TTN: variants seen among roughly 807,000 people sequenced by gnomAD.
The protein encoded by TTN is titin.
TTN carries 1,525 observed loss-of-function variants against 3,223.0 expected under a neutral mutation model. The ratio of observed to expected loss-of-function variants is 0.47; its 90% CI spans 0.45 to 0.49. The LOEUF (loss-of-function observed/expected upper bound fraction) is 0.49. Among genes scored for constraint, TTN ranks in the 20% least tolerant of loss-of-function variants. The pLI is 0.00. For missense variants in TTN, 40,786 were observed against 43,424.0 expected, an observed-to-expected ratio of 0.94 and a Z score of 5.40; for synonymous variants, 14,094 against 15,161.0, an observed-to-expected ratio of 0.93 and a Z score of 5.17.
chr2:178,529,980 C>A lies in TTN; in HGVS notation c.106511G>T (p.Ser35504Ile). The A allele has an allele frequency of 6.3e-7, 1 of 1,599,012 alleles. No individual in the cohort carries two copies. The highest frequency in any genetic ancestry group is 8.5e-7 in the Non-Finnish European group (1 of 1,176,482). The change falls in exon 359 of 363, where the codon AGC (serine) becomes ATC (isoleucine). Residue 35504 changes from serine (S) to isoleucine (I), a missense_variant. By Grantham distance (142) the Ser-to-Ile change is moderately radical (BLOSUM62 -2). Transcript: ENST00000589042. ...CCTACCTTTTATTGTTAATTTGCAG[C>A]TAGAGGACACAGATCCAGCTGAATT... ...VKNSAGSVSS[S>I]CKLTIKAIKD...
chr2:178,775,289 G>T, intron 28 of TTN, 67 bp downstream of exon 28: 1 of 1,612,146 alleles, frequency 6.2e-7, no homozygotes, highest in Non-Finnish European at 8.5e-7. Flanking sequence ...GAAAATAAAA[G>T]TAAACACACT....
chr2:178,629,791 G>T (rs1320289758), intron 239 of TTN, among the ~76,000 whole-genome samples: 1 of 152,088 alleles, frequency 6.6e-6, no homozygotes, highest in Non-Finnish European at 1.5e-5. Flanking sequence ...CCCTCAATCA[G>T]AGGCTGTCCC....
In TTN at chr2:178,600,991, T is replaced by G. The variant is rs746044045; in HGVS notation, c.55913A>C (p.Asp18638Ala). 1 of 1,613,054 alleles carries G rather than the reference T, an allele frequency of 6.2e-7. No individual in the cohort carries two copies. Residue 18638 changes from aspartate (D) to alanine (A), a missense_variant, in exon 288 of 363, where the codon GAT becomes GCT. Physicochemically the swap from Asp to Ala is moderately radical, Grantham distance 126. Coordinates refer to ENST00000589042, the MANE Select transcript of TTN (RefSeq NM_001267550.2). The part of the protein sequence containing the change: ...KEAWRQCNKR[D>A]VEELQFTVED... ...AACAGTAAATTGCAGTTCTTCCACA[T>G]CACGCTTATTGCACTGCCTCCAGGC...
Position 178,634,025 on chromosome 2 carries a change from T to A in TTN, c.42474A>T (p.Thr14158=). 6.2e-7 allele frequency: 1 copy of A among 1,613,318 alleles called. No individual in the cohort carries two copies. Among genetic ancestry groups the A allele is most frequent in the Non-Finnish European group, 8.5e-7 (1 of 1,179,480 alleles). ...GAGAAAGTTCACAAACAAAAGTTGCTGTTTCACCTTCTTTTACTGTTTGAT... is the reference window on the plus strand; with the variant it reads ...GAGAAAGTTCACAAACAAAAGTTGCAGTTTCACCTTCTTTTACTGTTTGAT... ...LEDQTVKEGE[T]ATFVCELSHE... is the part of the protein sequence containing the mutation. The change falls in exon 231 of 363, where the codon ACA becomes ACT. Residue 14158 remains threonine, a synonymous_variant. Transcript: ENST00000589042. The surrounding 1 kb of genome is among the most constrained non-coding windows in gnomAD (Gnocchi z 4.6).
At chr2:178,790,150 TA>T (rs1173387298) in intron 11 of TTN, 35 bp from the exon 12 acceptor site, 7 of 1,597,348 alleles carry the variant, frequency 4.4e-6, no homozygotes, top group Non-Finnish European at 5.1e-6. Flanking sequence ...AAATAGTCAT[TA>T]AATTCCATAA....
rs2154147790 is a variant in TTN, at chr2:178,548,944, G to A, written c.92682C>T (p.Phe30894=). The change falls in exon 339 of 363, where the codon TTC becomes TTT. Residue 30894 remains phenylalanine (F), a synonymous_variant. Transcript: ENST00000589042. The surrounding 1 kb of genome is among the most constrained non-coding windows in gnomAD (Gnocchi z 4.3). ...CAGCACCATTGATAGCACTAACTCG[G>A]AATTTGTATTCTTCACCTGCTTGTA... is the stretch of plus-strand genomic sequence containing the variant. The part of the protein sequence containing the change: ...TDLQAGEEYK[F]RVSAINGAGK... 1.2e-6 allele frequency: 2 copies of A among 1,613,862 alleles called. No homozygotes were observed. Among genetic ancestry groups the A allele is most frequent in the Middle Eastern group, 1.6e-4 (1 of 6,062 alleles).
In TTN at chr2:178,573,111, A is replaced by C. The variant is rs1397935154; in HGVS notation, c.73021T>G (p.Ser24341Ala). 1.2e-6 allele frequency: 2 copies of C among 1,613,194 alleles called. No homozygotes were observed. The highest frequency in any genetic ancestry group is 2.7e-5 in the African/African-American group (2 of 74,874). Residue 24341 changes from serine to alanine, a missense_variant, in exon 326 of 363, where the codon TCA becomes GCA. Ser to Ala is a moderately conservative substitution (Grantham distance 99). Coordinates refer to ENST00000589042, the MANE Select transcript of TTN (RefSeq NM_001267550.2). ...RVLDTSRSSISIAWNKPIYDG... is the reference protein window; with the variant it reads ...RVLDTSRSSIAIAWNKPIYDG... ...TAGATAGGTTTATTCCAAGCGATTG[A>C]AATGGATGATCTGCTTGTATCCAGA...
chr2:178,630,171 T>A, intron 239 of TTN, 70 bp downstream of exon 239: 7 of 1,598,600 alleles, frequency 4.4e-6, no homozygotes, highest in Non-Finnish European at 6.0e-6. Flanking sequence ...ATAGGTCCAA[T>A]TAATTTCACT....
Position 178,732,272 on chromosome 2 carries a change from T to G in TTN, c.16697A>C (p.Lys5566Thr). The change falls in exon 57 of 363, where the codon AAA becomes ACA. Residue 5566 changes from lysine to threonine, a missense_variant. Lys to Thr is a moderately conservative substitution (Grantham distance 78). Transcript: ENST00000589042. ...TTTAATTGGAGGGGTACCAGTTACT[T>G]TGCAGGCTAGCTGGGTGGCATCTCC... ...KKGDATQLAC[K>T]VTGTPPIKIT... 6.2e-7 allele frequency: 1 copy of G among 1,613,716 alleles called. No homozygotes were observed. Among genetic ancestry groups the G allele is most frequent in the Non-Finnish European group, 8.5e-7 (1 of 1,179,710 alleles).
rs1559014505 is a variant in TTN at position 178,532,578 on chromosome 2, C to G, written c.104037G>C (p.Glu34679Asp). 4 of 1,613,958 alleles carry G rather than the reference C, an allele frequency of 2.5e-6. No individual in the cohort carries two copies. Among genetic ancestry groups the G allele is most frequent in the Non-Finnish European group, 3.4e-6 (4 of 1,179,860 alleles). The change falls in exon 358 of 363, where the codon GAG becomes GAC. Residue 34679 changes from glutamate (E) to aspartate (D), a missense_variant. Transcript: ENST00000589042. ...DYLAMKRTEE[E>D]RLRLEEELEL... ...CAAGCTCTTCTTCAAGACGCAGCCT[C>G]TCTTCCTCTGTTCTTTTCATTGCTA...
chr2:178,712,351 C>T lies in TTN; in HGVS notation c.27571G>A (p.Gly9191Arg), dbSNP rs141502557. ...ATTTGTGCTGAACAGGAATCTTTTC[C>T]AGAGGCATTTTCAATGTAGCAGTTG... ...QYNCYIENASGKDSCSAQILI... is the reference protein window; with the variant it reads ...QYNCYIENASRKDSCSAQILI... Residue 9191 changes from glycine to arginine, a missense_variant, in exon 95 of 363, where the codon GGA (glycine) becomes AGA (arginine). Transcript: ENST00000589042. 1.9e-6 allele frequency: 3 copies of T among 1,613,684 alleles called. No individual in the cohort carries two copies. Among genetic ancestry groups the T allele is most frequent in the East Asian group, 2.2e-5 (1 of 44,872 alleles).
Position 178,795,185 on chromosome 2 carries a change from G to A in TTN, c.982C>T (p.Arg328Cys), listed in dbSNP as rs16866538. 0.083 allele frequency: 134,727 copies of A among 1,613,984 alleles called. 13,306 individuals are homozygous for A. Among genetic ancestry groups the A allele is most frequent in the East Asian group, 0.59 (26,644 of 44,854 alleles). The change falls in exon 7 of 363, where the codon CGT (arginine) becomes TGT (cysteine). Residue 328 changes from arginine (R) to cysteine (C), a missense_variant. Arg to Cys is a radical substitution (Grantham distance 180, BLOSUM62 -3). Transcript: ENST00000589042. ...IRSVRSPLLM[R>C]KTQASTVATG... ...GCCACGGTGGATGCCTGAGTCTTAC[G>A]CATGAGCAATGGAGACCTAACAGAC...
At position 178,728,306 on chromosome 2, in the gene TTN, A is replaced by C. The variant is rs1254771881; in HGVS notation, c.19518T>G (p.Gly6506=). The stretch of plus-strand genomic sequence containing the variant: ...ACCACTGAGCACTAATGGGAAGTGA[A>C]CCAGACACCTTGCACTCCATATGAA... ...SSIHMECKVS[G]SLPISAQWFK... Residue 6506 remains glycine, a synonymous_variant, in exon 67 of 363, where the codon GGT becomes GGG. Transcript: ENST00000589042. 6.2e-7 allele frequency: 1 copy of C among 1,613,070 alleles called. No homozygotes were observed. The highest frequency in any genetic ancestry group is 8.5e-7 in the Non-Finnish European group (1 of 1,179,524).
At chr2:178,695,737 C>T in intron 114 of TTN, 128 bp downstream of exon 114, 2 of 789,810 alleles carry the variant, frequency 2.5e-6, no homozygotes, top group African/African-American at 1.8e-5. Flanking sequence ...GATTTCTAAC[C>T]TTAAAAAAAT....
chr2:178,790,636 A>G, intron 11 of TTN, 72 bp downstream of exon 11: 1 of 1,609,454 alleles, frequency 6.2e-7, no homozygotes, highest in Non-Finnish European at 8.5e-7. Flanking sequence ...ATTAAGATCC[A>G]TGATGAAAAT....
Position 178,539,196 on chromosome 2 carries a change from AGAACTCTTGGTTACATC to A in TTN, c.98722_98738del (p.Asp32908CysfsTer2). The A allele has an allele frequency of 6.2e-7, 1 of 1,613,824 alleles. No individual in the cohort carries two copies. Among genetic ancestry groups the A allele is most frequent in the Non-Finnish European group, 8.5e-7 (1 of 1,179,758 alleles). On this transcript the variant is annotated frameshift_variant, in exon 353 of 363. Transcript: ENST00000589042. LOFTEE classifies it high-confidence loss of function. The stretch of plus-strand genomic sequence containing the variant: ...TGGGCCGGGACCAGGACAAGCTAAC[AGAACTCTTGGTTACATC>A]GAGTACTTCTGGAGGATTGCTTGGA...
At chr2:178,584,034 C>T in intron 311 of TTN, 128 bp from the exon 312 acceptor site, 3 of 1,157,312 alleles carry the variant, frequency 2.6e-6, no homozygotes, top group Non-Finnish European at 3.5e-6. Context: ...ATTTTAATAA[C>T]CGTCCAACTA....
chr2:178,617,223 C>T lies in TTN; in HGVS notation c.47772G>A (p.Leu15924=), dbSNP rs1206726519. The T allele has an allele frequency of 9.0e-6, 14 of 1,548,428 alleles. No individual in the cohort carries two copies. Among genetic ancestry groups the T allele is most frequent in the Non-Finnish European group, 1.2e-5 (14 of 1,148,728 alleles). The change falls in exon 255 of 363, where the codon TTG becomes TTA. Residue 15924 remains leucine, a synonymous_variant. Transcript: ENST00000589042. ...TATATAAATATTTATTTCCTTTTTC[C>T]AATCCGGTAACCTACGATTATGAAT... is the stretch of plus-strand genomic sequence containing the variant. ...VPELTYKVTG[L]EKGNKYLYRV...
In TTN at chr2:178,741,038, A is replaced by C; in HGVS notation, c.12195T>G (p.Leu4065=). Residue 4065 remains leucine, a synonymous_variant, in exon 48 of 363, where the codon CTT becomes CTG. Coordinates refer to ENST00000589042, the MANE Select transcript of TTN (RefSeq NM_001267550.2). ...TPLKGPAVEA[L]DSEQEIATFV... ...ACGTTGCAATTTCCTGCTCTGAGTC[A>C]AGTGCTTCAACTGCGGGACCCTTTA... is the stretch of plus-strand genomic sequence containing the variant. 1 of 1,613,924 alleles carries C rather than the reference A, an allele frequency of 6.2e-7. No homozygotes were observed. Among genetic ancestry groups the C allele is most frequent in the Non-Finnish European group, 8.5e-7 (1 of 1,179,838 alleles).
Sources: allele counts gnomAD v4.1 joint callset (sites outside exome capture counted in the v4.1 genomes callset), GRCh38; gene constraint gnomAD v4.1.1; non-coding constraint Gnocchi (gnomAD v3.1); transcripts MANE v1.5; gene names NCBI Gene and HGNC (gene_info 2026-07-23, HGNC 2026-07-21).